Variants in REV1 observed in about 807,000 individuals in gnomAD.
REV1 encodes the protein translesion synthesis protein REV1.
A neutral mutation model predicts 137.4 loss-of-function variants in REV1; 42 were observed. That is an observed-to-expected ratio of 0.31 (90% CI 0.24 to 0.40). REV1 has a LOEUF of 0.40. Ranked by LOEUF, REV1 falls within the 10% of genes least tolerant of loss-of-function variation. The pLI, the probability that REV1 is intolerant of heterozygous loss-of-function variation, is 1.00. For synonymous variants in REV1, 524 were observed against 519.2 expected (o/e 1.01, Z -0.12); for missense variants, 1,282 against 1,490.1 (o/e 0.86, Z 2.30).
intron 14 of REV1, 48 bp from the exon 15 acceptor site, chr2:99,408,179 C>T (rs1180249669): frequency 9.3e-7 from 1 of 1,073,282 alleles, no homozygotes; most frequent in Non-Finnish European, 1.4e-6. Context: ...CATATGTATT[C>T]ACTAGTACTA....
intron 1 of REV1, among the ~76,000 whole-genome samples, chr2:99,478,128 C>T (rs776122490): frequency 6.6e-6 from 1 of 151,962 alleles, no homozygotes; most frequent in Non-Finnish European, 1.5e-5. Context: ...CCCAGCTACT[C>T]GGGAGGCTGA....
chr2:99,405,976 ACC>A lies in REV1; in HGVS notation c.2743_2744del (p.Gly915SerfsTer12). On this transcript the variant is annotated frameshift_variant, in exon 17 of 23. Transcript: ENST00000258428. LOFTEE classifies it high-confidence loss of function. ...NKAESSGKWNGLHTPVSVQSR... is the reference protein window; with the variant it reads ...NKAESSGKWNXLHTPVSVQSR... Reference sequence around the variant, plus strand: ...ACTGCACACTGACAGGAGTATGTAGACCATTCCATTTCCCTGAAGACTCAGCC... The same window carrying A: ...ACTGCACACTGACAGGAGTATGTAGAATTCCATTTCCCTGAAGACTCAGCC... The A allele has an allele frequency of 6.2e-7, 1 of 1,614,034 alleles. No individual in the cohort carries two copies. Among genetic ancestry groups the A allele is most frequent in the Non-Finnish European group, 8.5e-7 (1 of 1,179,944 alleles).
At chr2:99,450,411 C>G (rs1158822886) in intron 3 of REV1, among the ~76,000 whole-genome samples, 5 of 152,208 alleles carry the variant, frequency 3.3e-5, no homozygotes, top group African/African-American at 1.2e-4. Flanking sequence ...CCTCCCCTAA[C>G]AACAGCTGTA....
chr2:99,467,452 T>C (rs1050737596), intron 1 of REV1, among the ~76,000 whole-genome samples: 27 of 152,074 alleles, frequency 1.8e-4, no homozygotes, highest in African/African-American at 5.8e-4. Flanking sequence ...CAATCAAAAA[T>C]TACTAGCCAA....
chr2:99,424,666 G>T, intron 9 of REV1: 1 of 963,602 alleles, frequency 1.0e-6, no homozygotes, highest in Non-Finnish European at 1.4e-6. Context: ...CCTAATACAA[G>T]GCACAGTTTG....
intron 7 of REV1, among the ~76,000 whole-genome samples, chr2:99,434,758 C>G (rs868354006): frequency 4.6e-4 from 70 of 152,136 alleles, no homozygotes; most frequent in African/African-American, 1.5e-3. Flanking sequence ...AGAGGCAACT[C>G]AAGAGTCTAG....
Position 99,429,699 on chromosome 2 carries a change from T to C in REV1, c.1547+141A>G, listed in dbSNP as rs138032315. The stretch of plus-strand genomic sequence containing the variant: ...CACTGGTGGGGGGTTGTGGGGGGCA[T>C]AGATGAGATGATTAAGGCTAAAACC... On this transcript the variant is annotated intron_variant, in intron 9 of 22. Coordinates refer to ENST00000258428, the MANE Select transcript of REV1 (RefSeq NM_016316.4). The C allele has an allele frequency of 1.9e-3, 1,001 of 540,232 alleles. 10 individuals are homozygous for C. The highest frequency in any genetic ancestry group is 0.018 in the African/African-American group (912 of 49,914). The allele number at this position is 540,232 out of a possible 1,614,324, so 33.5% of individuals were successfully genotyped here.
chr2:99,448,342 T>C (rs917864341), intron 4 of REV1, among the ~76,000 whole-genome samples: 9 of 152,342 alleles, frequency 5.9e-5, no homozygotes, highest in African/African-American at 1.7e-4. Context: ...TAATTGCTCA[T>C]ATGTATTACA....
At chr2:99,451,270 G>A in intron 3 of REV1, 3 of 857,842 alleles carry the variant, frequency 3.5e-6, no homozygotes, top group Non-Finnish European at 4.4e-6. Flanking sequence ...AATAGAAAAC[G>A]GCTGTCCTTT....
intron 1 of REV1, among the ~76,000 whole-genome samples, chr2:99,472,471 A>G (rs949808481): frequency 6.6e-6 from 1 of 152,212 alleles, no homozygotes; most frequent in Non-Finnish European, 1.5e-5. Context: ...TTGCACAACA[A>G]TGTGAATGTA....
chr2:99,451,770 T>C (rs917297331), intron 3 of REV1, among the ~76,000 whole-genome samples: 2 of 145,582 alleles, frequency 1.4e-5, no homozygotes, highest in African/African-American at 5.0e-5. Context: ...CCCTAGACTC[T>C]ACGAAAAAAA....
intron 3 of REV1, among the ~76,000 whole-genome samples, chr2:99,457,952 G>C (rs1045766662): frequency 6.6e-6 from 1 of 151,762 alleles, no homozygotes. Context: ...AAAAAAAATT[G>C]TAAAACCTCA....
intron 13 of REV1, 33 bp from the exon 14 acceptor site, chr2:99,410,900 T>C (rs766046622): frequency 6.5e-7 from 1 of 1,544,606 alleles, no homozygotes; most frequent in East Asian, 2.3e-5. Flanking sequence ...AAACTACCAT[T>C]CCACTTTCCT....
At chr2:99,406,212 G>A in intron 16 of REV1, 106 bp from the exon 17 acceptor site, 1 of 1,401,682 alleles carries the variant, frequency 7.1e-7, no homozygotes, top group Non-Finnish European at 9.6e-7. Context: ...TCATCATAAT[G>A]AAGAATATAA....
rs896979954 is a variant in REV1, at chr2:99,401,438, T to C, written c.3645-86A>G. ...TTCCTTTTTATATATAAAAATTGAC[T>C]TTGGCAAAAAAAAAAAAAAGTCCTG... On this transcript the variant is annotated intron_variant, in intron 22 of 22. Coordinates refer to ENST00000258428, the MANE Select transcript of REV1 (RefSeq NM_016316.4). The C allele has an allele frequency of 7.6e-6, 7 of 917,334 alleles. No homozygotes were observed. The African/African-American group carries it at 1.3e-4, about 17-fold the overall frequency. 56.8% of individuals were successfully genotyped at this position (917,334 alleles called of 1,614,324 possible).
intron 1 of REV1, among the ~76,000 whole-genome samples, chr2:99,484,569 CTT>C (rs931414382): frequency 4.3e-4 from 63 of 146,098 alleles, no homozygotes; most frequent in Admixed American, 4.0e-3. Flanking sequence ...ACACATGATT[CTT>C]TGACTTATTT....
At chr2:99,464,774 A>C (rs931697742) in intron 2 of REV1, 148 bp downstream of exon 2, 3 of 696,310 alleles carry the variant, frequency 4.3e-6, no homozygotes, top group Non-Finnish European at 7.3e-6. Context: ...TATAAACATC[A>C]TAAGGCTTTC....
chr2:99,421,708 C>G, intron 10 of REV1, 55 bp from the exon 11 acceptor site: 1 of 1,541,248 alleles, frequency 6.5e-7, no homozygotes, highest in Non-Finnish European at 8.8e-7. Flanking sequence ...ATCTGGTAGA[C>G]CCAATGTTGC....
chr2:99,433,563 GCA>G (rs1203273639), intron 8 of REV1, among the ~76,000 whole-genome samples: 1 of 152,138 alleles, frequency 6.6e-6, no homozygotes, highest in Non-Finnish European at 1.5e-5. Flanking sequence ...ACTGACAAGG[GCA>G]CTGAAATAAC....
Sources: allele counts gnomAD v4.1 joint callset (sites outside exome capture counted in the v4.1 genomes callset), GRCh38; gene constraint gnomAD v4.1.1; transcripts MANE v1.5; gene names NCBI Gene and HGNC (gene_info 2026-07-23, HGNC 2026-07-21).